GPC3: variants seen among roughly 807,000 people sequenced by gnomAD.
GPC3 encodes glypican 3, also known as glypican-3.
Under a neutral mutation model 34.4 loss-of-function variants are expected in GPC3, and 3 were observed. The observed-to-expected ratio is 0.09, with a 90% CI of 0.04 to 0.23. The LOEUF (loss-of-function observed/expected upper bound fraction) is 0.23. Ranked by LOEUF, GPC3 falls within the 10% of genes least tolerant of loss-of-function variation. The probability of loss-of-function intolerance (pLI) is 1.00; values close to 1 mark genes in which losing one functional copy is unlikely to be tolerated. For missense variants in GPC3, 351 were observed against 445.6 expected (o/e 0.79, Z 1.91); for synonymous variants, 177 against 174.0 (o/e 1.02, Z -0.13).
intron 2 of GPC3, among the ~76,000 whole-genome samples, chrX:133,828,088 A>G (rs2075758331): frequency 8.9e-6 from 1 of 111,752 alleles, no homozygotes; most frequent in African/African-American, 3.2e-5. Flanking sequence ...ACACAAAAAT[A>G]TATAGTTAAA....
At chrX:133,691,804 T>C (rs2071066928) in intron 5 of GPC3, among the ~76,000 whole-genome samples, 1 of 112,119 alleles carries the variant, frequency 8.9e-6, no homozygotes, top group Admixed American at 9.5e-5. Context: ...ACCCACATAA[T>C]GAGGAGATGG....
chrX:133,617,076 T>C lies in GPC3; in HGVS notation c.1414-20477A>G, dbSNP rs1250564526. Among the ~76,000 whole-genome samples, 4 of 111,591 alleles carry C rather than the reference T, an allele frequency of 3.6e-5. No individual in the cohort carries two copies. In the South Asian group the frequency reaches 1.1e-3, roughly 32 times the overall value. On this transcript the variant is annotated intron_variant, in intron 6 of 7. Coordinates refer to ENST00000370818, the MANE Select transcript of GPC3 (RefSeq NM_004484.4). ...TTTTTTAAAAAATAAAAATATTTGATTTATTAATAACGAACTTAAAGTATC... is the reference window on the plus strand; with the variant it reads ...TTTTTTAAAAAATAAAAATATTTGACTTATTAATAACGAACTTAAAGTATC...
At chrX:133,852,702 C>T (rs1397255124) in intron 2 of GPC3, among the ~76,000 whole-genome samples, 1 of 111,062 alleles carries the variant, frequency 9.0e-6, no homozygotes, top group African/African-American at 3.3e-5. Flanking sequence ...TGAAGGTGGC[C>T]AGGCTTCCAA....
intron 6 of GPC3, among the ~76,000 whole-genome samples, chrX:133,620,215 G>C (rs1433010593): frequency 1.6e-5 from 1 of 63,075 alleles, no homozygotes; most frequent in Admixed American, 1.9e-4. Context: ...GCAAGACTCT[G>C]TCTCAAAAAA....
intron 2 of GPC3, among the ~76,000 whole-genome samples, chrX:133,772,018 A>G (rs2071926736): frequency 9.0e-6 from 1 of 111,504 alleles, no homozygotes. Context: ...GACGCTGACA[A>G]ATTCCAATAT....
chrX:133,644,433 T>C (rs1304790427), intron 6 of GPC3, among the ~76,000 whole-genome samples: 1 of 112,186 alleles, frequency 8.9e-6, no homozygotes, highest in Non-Finnish European at 1.9e-5. Context: ...TAGCTAACTA[T>C]AATTAACAGT....
At chrX:133,578,844 G>A (rs2069709352) in intron 7 of GPC3, among the ~76,000 whole-genome samples, 1 of 110,678 alleles carries the variant, frequency 9.0e-6, no homozygotes, top group African/African-American at 3.3e-5. Context: ...GCTCAGTGGA[G>A]TGGGGTGCTG....
At chrX:133,684,723 C>A (rs2070980345) in intron 5 of GPC3, among the ~76,000 whole-genome samples, 2 of 110,756 alleles carry the variant, frequency 1.8e-5, no homozygotes, top group East Asian at 2.8e-4. Flanking sequence ...AATTAAAAAA[C>A]AACAACAACA....
chrX:133,577,553 A>G (rs1471959827), intron 7 of GPC3, among the ~76,000 whole-genome samples: 1 of 111,580 alleles, frequency 9.0e-6, no homozygotes, highest in Non-Finnish European at 1.9e-5. Context: ...AGCATTCATC[A>G]AATGAGGTGC....
intron 3 of GPC3, among the ~76,000 whole-genome samples, chrX:133,713,579 T>C (rs1603231123): frequency 8.9e-6 from 1 of 112,211 alleles, no homozygotes; most frequent in Non-Finnish European, 1.9e-5. Flanking sequence ...ACAAGTGTGA[T>C]TGACTTGTGA....
At chrX:133,550,869 C>T (rs1287985766) in intron 7 of GPC3, among the ~76,000 whole-genome samples, 5 of 112,082 alleles carry the variant, frequency 4.5e-5, no homozygotes, top group Non-Finnish European at 7.5e-5. Context: ...CTGAGCAATA[C>T]TCAGTCCTCA....
chrX:133,538,039 C>T (rs1443895983), intron 7 of GPC3, among the ~76,000 whole-genome samples: 2 of 111,586 alleles, frequency 1.8e-5, no homozygotes, highest in African/African-American at 6.5e-5. Context: ...GTTTTTCTTC[C>T]TGAGTACTCG....
intron 5 of GPC3, among the ~76,000 whole-genome samples, chrX:133,664,730 G>A (rs1468193217): frequency 1.0e-5 from 1 of 100,309 alleles, no homozygotes; most frequent in African/African-American, 3.7e-5. Context: ...TGGAAACTTT[G>A]ACAAAAATAT....
intron 2 of GPC3, 90 bp downstream of exon 2, chrX:133,952,960 A>C: frequency 1.2e-6 from 1 of 810,719 alleles, no homozygotes; most frequent in Non-Finnish European, 1.9e-6. Flanking sequence ...CTGGAATGGT[A>C]ATTTATAAAT....
chrX:133,741,070 G>A (rs1055677610), intron 3 of GPC3, among the ~76,000 whole-genome samples: 4 of 109,941 alleles, frequency 3.6e-5, no homozygotes, highest in Non-Finnish European at 7.6e-5. Context: ...TACCAGAGAG[G>A]TTATGCTCTC....
intron 2 of GPC3, among the ~76,000 whole-genome samples, chrX:133,798,651 G>A (rs1270230519): frequency 1.8e-5 from 2 of 112,529 alleles, no homozygotes; most frequent in African/African-American, 6.5e-5. Context: ...TGTTGCTGCT[G>A]TTGCTGCTAT....
intron 6 of GPC3, among the ~76,000 whole-genome samples, chrX:133,652,848 T>A (rs2070616810): frequency 8.9e-6 from 1 of 112,475 alleles, no homozygotes; most frequent in Non-Finnish European, 1.9e-5. Flanking sequence ...TTTGTTTTCA[T>A]CGGATTTTGT....
At chrX:133,578,108 T>C (rs1281648525) in intron 7 of GPC3, among the ~76,000 whole-genome samples, 1 of 112,169 alleles carries the variant, frequency 8.9e-6, no homozygotes, top group African/African-American at 3.2e-5. Flanking sequence ...TCAAAAAATA[T>C]GAGCTATTAT....
chrX:133,927,533 T>C (rs1483833239), intron 2 of GPC3, among the ~76,000 whole-genome samples: 2 of 109,798 alleles, frequency 1.8e-5, no homozygotes, highest in East Asian at 2.9e-4. Context: ...CTGGAGTGCC[T>C]TGATGCAATC....
Sources: gnomAD v4.1 joint callset for allele counts (sites outside exome capture counted in the v4.1 genomes callset) on GRCh38, gnomAD v4.1.1 for gene constraint, MANE v1.5 for transcripts, NCBI Gene and HGNC (gene_info 2026-07-23, HGNC 2026-07-21) for gene names.